OSBP2: variants seen among roughly 807,000 people sequenced by gnomAD.
The protein encoded by OSBP2 is oxysterol-binding protein 2.
A neutral mutation model predicts 96.0 loss-of-function variants in OSBP2; 66 were observed. The observed-to-expected ratio is 0.69, with a 90% CI of 0.56 to 0.84. The LOEUF is 0.84. Among genes scored for constraint, OSBP2 ranks in the 40% least tolerant of loss-of-function variants. OSBP2 has a pLI of 0.00. For synonymous variants in OSBP2, 525 were observed against 520.9 expected, an observed-to-expected ratio of 1.01 and a Z score of -0.11; for missense variants, 1,038 against 1,222.7, an observed-to-expected ratio of 0.85 and a Z score of 2.25.
intron 2 of OSBP2, among the ~76,000 whole-genome samples, chr22:30,753,357 A>G (rs763837681): frequency 6.6e-6 from 1 of 152,114 alleles, no homozygotes; most frequent in Non-Finnish European, 1.5e-5. Context: ...GGTGGTGGGC[A>G]TGGTTGGAGC....
At chr22:30,749,791 A>G (rs1429057622) in intron 2 of OSBP2, among the ~76,000 whole-genome samples, 1 of 152,106 alleles carries the variant, frequency 6.6e-6, no homozygotes, top group Non-Finnish European at 1.5e-5. Flanking sequence ...TATTTTTAGT[A>G]GAGACGAGGT....
chr22:30,725,166 A>C (rs2089622030), intron 1 of OSBP2, among the ~76,000 whole-genome samples: 1 of 132,040 alleles, frequency 7.6e-6, no homozygotes, highest in Non-Finnish European at 1.6e-5. Flanking sequence ...ACAGAGCAAG[A>C]CTCTGTCTCA....
chr22:30,853,216 T>C (rs1472126451), intron 2 of OSBP2, among the ~76,000 whole-genome samples: 2 of 152,256 alleles, frequency 1.3e-5, no homozygotes, highest in Non-Finnish European at 2.9e-5. Context: ...TATTATCGTA[T>C]TGAAACCACT....
intron 2 of OSBP2, among the ~76,000 whole-genome samples, chr22:30,816,335 G>A (rs779511649): frequency 1.3e-5 from 2 of 152,030 alleles, no homozygotes; most frequent in South Asian, 2.1e-4. Flanking sequence ...GAATTCCAGC[G>A]CTGTTATTAT....
chr22:30,716,317 C>G lies in OSBP2; in HGVS notation c.644+20764C>G, dbSNP rs536359409. ...TCAGCCTCCCAAAGTGCTGGGACTA[C>G]AGGCATAAGCCACCACACCTGGCTG... On this transcript the variant is annotated intron_variant, in intron 1 of 13. Transcript: ENST00000332585. Among the ~76,000 whole-genome samples, 3 of 152,184 alleles carry G rather than the reference C, an allele frequency of 2.0e-5. No homozygotes were observed. The South Asian group carries it at 6.2e-4, about 32-fold the overall frequency.
intron 2 of OSBP2, among the ~76,000 whole-genome samples, chr22:30,823,199 C>T (rs1036443307): frequency 6.6e-6 from 1 of 152,178 alleles, no homozygotes; most frequent in African/African-American, 2.4e-5. Flanking sequence ...AGCAACCCTC[C>T]CTCCCCGTCC....
At chr22:30,752,016 G>T (rs976997324) in intron 2 of OSBP2, among the ~76,000 whole-genome samples, 3 of 152,118 alleles carry the variant, frequency 2.0e-5, no homozygotes, top group Non-Finnish European at 4.4e-5. Flanking sequence ...TCACAGAGGG[G>T]TCTGCAAGCT....
At chr22:30,782,713 C>T (rs1269340876) in intron 2 of OSBP2, among the ~76,000 whole-genome samples, 8 of 152,208 alleles carry the variant, frequency 5.3e-5, no homozygotes, top group Non-Finnish European at 4.4e-5. Context: ...CATAACAGAG[C>T]TGCTGTGAAC....
intron 12 of OSBP2, 46 bp from the exon 13 acceptor site, chr22:30,905,791 C>A (rs762637430): frequency 1.9e-6 from 3 of 1,603,494 alleles, no homozygotes; most frequent in African/African-American, 2.7e-5. Context: ...TAGGTGTGGT[C>A]CGGCTCACAC....
chr22:30,885,029 G>C (rs1009041660), intron 3 of OSBP2, among the ~76,000 whole-genome samples: 5 of 152,206 alleles, frequency 3.3e-5, no homozygotes, highest in Middle Eastern at 3.2e-3. Context: ...TGCCAGGGCA[G>C]ATGCGGGAGG....
chr22:30,722,682 T>C (rs1223628747), intron 1 of OSBP2, among the ~76,000 whole-genome samples: 1 of 151,638 alleles, frequency 6.6e-6, no homozygotes, highest in Non-Finnish European at 1.5e-5. Context: ...TCTTTCTTTC[T>C]TTTCTTTCCT....
chr22:30,823,391 T>C (rs1190598309), intron 2 of OSBP2, among the ~76,000 whole-genome samples: 2 of 152,260 alleles, frequency 1.3e-5, no homozygotes, highest in East Asian at 1.9e-4. Context: ...TGAAATTTGC[T>C]GTATTTACCT....
chr22:30,747,331 A>G (rs1216947204), intron 2 of OSBP2, among the ~76,000 whole-genome samples: 1 of 152,104 alleles, frequency 6.6e-6, no homozygotes, highest in African/African-American at 2.4e-5. Context: ...TCACTTTAAA[A>G]TGGGCCAGAC....
intron 3 of OSBP2, among the ~76,000 whole-genome samples, chr22:30,883,979 G>A (rs932729892): frequency 1.3e-5 from 2 of 152,124 alleles, no homozygotes; most frequent in African/African-American, 4.8e-5. Flanking sequence ...TGAAAGGCTC[G>A]GCTCCCAGTC....
intron 4 of OSBP2, 35 bp downstream of exon 4, chr22:30,887,653 CCTT>C (rs1240727297): frequency 2.0e-6 from 3 of 1,519,688 alleles, no homozygotes; most frequent in Non-Finnish European, 1.8e-6. Flanking sequence ...TGTCCCATGA[CCTT>C]CTGCCAGCTG....
At position 30,725,036 on chromosome 22, in the gene OSBP2, CG is replaced by C. The variant is rs2089619392; in HGVS notation, c.645-16124del. On this transcript the variant is annotated intron_variant, in intron 1 of 13. Transcript: ENST00000332585. ...AAAATACAAAAAAAAATTAGCCGGG[CG>C]TGGTGGCAGGCGCCTGTAGTCCCAG... Among the ~76,000 whole-genome samples the C allele has an allele frequency of 2.6e-5, 4 of 151,260 alleles. No individual in the cohort carries two copies. In the South Asian group the frequency reaches 8.3e-4, roughly 32 times the overall value.
At chr22:30,876,026 GCCCGGGAAGGTT>G (rs1209167476) in intron 3 of OSBP2, among the ~76,000 whole-genome samples, 1 of 152,244 alleles carries the variant, frequency 6.6e-6, no homozygotes, top group African/African-American at 2.4e-5. Flanking sequence ...TTAGGGAAGA[GCCCGGGAAGGTT>G]CCCAGTTGGC....
intron 1 of OSBP2, 113 bp from the exon 2 acceptor site, chr22:30,741,048 G>A (rs2089931117): frequency 1.2e-6 from 1 of 831,068 alleles, no homozygotes; most frequent in African/African-American, 1.7e-5. Context: ...TGACTCCAGG[G>A]CCTCTCCCAG....
intron 2 of OSBP2, among the ~76,000 whole-genome samples, chr22:30,856,249 C>G (rs940357982): frequency 3.9e-5 from 6 of 152,210 alleles, no homozygotes; most frequent in Non-Finnish European, 8.8e-5. Context: ...CTTTTCCCTC[C>G]CTTGGCTTCA....
Sources: allele counts gnomAD v4.1 joint callset (sites outside exome capture counted in the v4.1 genomes callset), GRCh38; gene constraint gnomAD v4.1.1; transcripts MANE v1.5; gene names NCBI Gene and HGNC (gene_info 2026-07-23, HGNC 2026-07-21).